OTOF: variants seen among roughly 807,000 people sequenced by gnomAD.
OTOF encodes the protein otoferlin.
Under a neutral mutation model 236.8 loss-of-function variants are expected in OTOF, and 218 were observed. The observed-to-expected ratio is 0.92, with a 90% CI of 0.82 to 1.03. OTOF has a LOEUF of 1.03. OTOF is among the 50% of genes least tolerant of loss of function. OTOF has a pLI of 0.00. For synonymous variants in OTOF, 1,041 were observed against 1,072.5 expected, an observed-to-expected ratio of 0.97 and a Z score of 0.57; for missense variants, 2,590 against 2,694.4, an observed-to-expected ratio of 0.96 and a Z score of 0.86.
Position 26,475,894 on chromosome 2 carries a change from C to A in OTOF, c.2991+20G>T, listed in dbSNP as rs539358225. On this transcript the variant is annotated intron_variant, in intron 24 of 46. Coordinates refer to ENST00000272371, the MANE Select transcript of OTOF (RefSeq NM_194248.3). ...TGGTGCTCTCAAAGCCAGAGCCACT[C>A]CCTCCTCCCAGGCCCTCACCTCTGT... 99 of 1,591,268 alleles carry A rather than the reference C, an allele frequency of 6.2e-5. No individual in the cohort carries two copies. In the South Asian group the frequency reaches 1.1e-3, roughly 17 times the overall value.
At chr2:26,476,717 C>T (rs1572428833) in intron 22 of OTOF, among the ~76,000 whole-genome samples, 174 bp downstream of exon 22, 1 of 82,944 alleles carries the variant, frequency 1.2e-5, no homozygotes. Flanking sequence ...TTCCCCCACC[C>T]CTTCCCCCAC....
chr2:26,480,709 C>T lies in OTOF; in HGVS notation c.1803+77G>A, dbSNP rs1287996218. The T allele has an allele frequency of 4.0e-6, 5 of 1,262,852 alleles. No individual in the cohort carries two copies. The African/African-American group carries it at 7.3e-5, about 18-fold the overall frequency. The allele number at this position is 1,262,852 out of a possible 1,614,324, so 78.2% of individuals were successfully genotyped here. A position where few individuals can be genotyped will look rare whatever the true frequency, so the allele number is the denominator to read the frequency against. Reference sequence around the variant, plus strand: ...GTAGACAGGGCAGCAACAGGCAAAGCCTGGGACCCAGGTGACTCAGGGAGA... The same window carrying T: ...GTAGACAGGGCAGCAACAGGCAAAGTCTGGGACCCAGGTGACTCAGGGAGA... On this transcript the variant is annotated intron_variant, in intron 15 of 46. Coordinates refer to ENST00000272371, the MANE Select transcript of OTOF (RefSeq NM_194248.3).
chr2:26,470,814 A>G lies in OTOF; in HGVS notation c.3895-93T>C, dbSNP rs1664940100. 6.4e-7 allele frequency: 1 copy of G among 1,557,272 alleles called. No individual in the cohort carries two copies. Among genetic ancestry groups the G allele is most frequent in the Non-Finnish European group, 8.6e-7 (1 of 1,156,310 alleles). On this transcript the variant is annotated intron_variant, in intron 31 of 46. Transcript: ENST00000272371. The surrounding 1 kb of genome is among the most constrained non-coding windows in gnomAD (Gnocchi z 4.3). The stretch of plus-strand genomic sequence containing the variant: ...CCCATTCCGCCATCTGTCAGCAGGA[A>G]GCCTTGGGCTCCATGAGGCTCTGTG...
chr2:26,535,250 G>A (rs989038808), intron 2 of OTOF, among the ~76,000 whole-genome samples: 3 of 152,194 alleles, frequency 2.0e-5, no homozygotes, highest in African/African-American at 7.2e-5. Flanking sequence ...TCTAATCTAT[G>A]CATGAATTCA....
chr2:26,521,406 C>T (rs1454708467), intron 3 of OTOF, among the ~76,000 whole-genome samples: 3 of 152,160 alleles, frequency 2.0e-5, no homozygotes, highest in Non-Finnish European at 2.9e-5. Context: ...GGAGCTATTC[C>T]CCCTGCAAGT....
In OTOF at chr2:26,461,806, A is replaced by T. The variant is rs1664477476; in HGVS notation, c.5423T>A (p.Ile1808Asn). The T allele has an allele frequency of 5.6e-6, 9 of 1,614,060 alleles. No homozygotes were observed. Among genetic ancestry groups the T allele is most frequent in the Non-Finnish European group, 7.6e-6 (9 of 1,180,012 alleles). ...GGAGAACATGGACTCCTTCTTGGAG[A>T]TGACGATCTTCTCCTCCGCCGCCAG... ...DYLAAEEKIV[I>N]SKKESMFSWD... The change falls in exon 43 of 47, where the codon ATC becomes AAC. Residue 1808 changes from isoleucine (I) to asparagine (N), a missense_variant. Around this residue, in one of 2 missense-constraint regions of OTOF, gnomAD observed 1,211 missense variants for 1,352.8 expected, o/e 0.90. Coordinates refer to ENST00000272371, the MANE Select transcript of OTOF (RefSeq NM_194248.3). This position sits in a 1 kb window ranked among gnomAD's most constrained non-coding sequence, Gnocchi z 6.2.
At chr2:26,558,364 G>A (rs539875595) in intron 1 of OTOF, 129 bp downstream of exon 1, 18 of 797,788 alleles carry the variant, frequency 2.3e-5, no homozygotes, top group Admixed American at 7.5e-5. Flanking sequence ...GAAAAGGCTC[G>A]TCGCCCCAGC....
chr2:26,460,155 C>T lies in OTOF; in HGVS notation c.5864G>A (p.Arg1955His), dbSNP rs746943889. Residue 1955 changes from arginine to histidine, a missense_variant, in exon 46 of 47, where the codon CGC (arginine) becomes CAC (histidine). Coordinates refer to ENST00000272371, the MANE Select transcript of OTOF (RefSeq NM_194248.3). This position sits in a 1 kb window ranked among gnomAD's most constrained non-coding sequence, Gnocchi z 5.3. The part of the protein sequence containing the change: ...IWFLNPLKSA[R>H]YFLWHTYRWL... The stretch of plus-strand genomic sequence containing the variant: ...GCGATACGTGTGCCACAAGAAGTAG[C>T]GAGCCGACTTGAGAGGGTTCAGGAA... 43 of 1,603,434 alleles carry T rather than the reference C, an allele frequency of 2.7e-5. No individual in the cohort carries two copies. Among genetic ancestry groups the T allele is most frequent in the Admixed American group, 2.2e-4 (13 of 58,602 alleles).
chr2:26,516,078 A>G lies in OTOF; in HGVS notation c.509+340T>C, dbSNP rs141334031. Among the ~76,000 whole-genome samples, 652 of 152,308 alleles carry G rather than the reference A, an allele frequency of 4.3e-3. 1 individual carries two copies. The highest frequency in any genetic ancestry group is 7.5e-3 in the Non-Finnish European group (511 of 68,022). On this transcript the variant is annotated intron_variant, in intron 5 of 46. Transcript: ENST00000272371. The stretch of plus-strand genomic sequence containing the variant: ...GACACTGCTGGGTCTTGAACCAGAG[A>G]GGCCAGGGGCCCTCCTATCCCCAAC...
Position 26,475,362 on chromosome 2 carries a change from G to A in OTOF, c.3123C>T (p.Ser1041=). 1.2e-6 allele frequency: 2 copies of A among 1,612,980 alleles called. No homozygotes were observed. The highest frequency in any genetic ancestry group is 1.7e-6 in the Non-Finnish European group (2 of 1,179,964). The change falls in exon 25 of 47, where the codon TCC becomes TCT. Residue 1041 remains serine, a synonymous_variant. Coordinates refer to ENST00000272371, the MANE Select transcript of OTOF (RefSeq NM_194248.3). ...IIVIEIYDQD[S]MGKADFMGRT... ...TGGCACCAGAGCCCACCCATACCATGGAATCCTGGTCATAGATTTCAATGA... is the reference window on the plus strand; with the variant it reads ...TGGCACCAGAGCCCACCCATACCATAGAATCCTGGTCATAGATTTCAATGA...
chr2:26,465,542 G>GGGGCA, intron 38 of OTOF, 130 bp downstream of exon 38: 1 of 946,550 alleles, frequency 1.1e-6, no homozygotes. Context: ...AGGGACTGTA[G>GGGGCA]GGGCAGAGGC....
chr2:26,475,532 A>AGG lies in OTOF; in HGVS notation c.2992-41_2992-40dup, dbSNP rs552439777. ...TGGGGAGACAGGGGACAAGTGACAGAGGGGGGGGCAGATGCACAAACAGAA... is the reference window on the plus strand; with the variant it reads ...TGGGGAGACAGGGGACAAGTGACAGAGGGGGGGGGGCAGATGCACAAACAGAA... On this transcript the variant is annotated intron_variant, in intron 24 of 46. Transcript: ENST00000272371. 8.3e-4 allele frequency: 1,325 copies of AGG among 1,597,586 alleles called. 4 individuals are homozygous for AGG. In the African/African-American group the frequency reaches 0.012, roughly 15 times the overall value.
intron 2 of OTOF, among the ~76,000 whole-genome samples, chr2:26,528,225 C>A (rs913797630): frequency 6.6e-6 from 1 of 152,222 alleles, no homozygotes; most frequent in East Asian, 1.9e-4. Context: ...CCCTACACAG[C>A]GCTGCTTCCA....
At chr2:26,504,960 A>G (rs571374191) in intron 5 of OTOF, among the ~76,000 whole-genome samples, 105 of 152,192 alleles carry the variant, frequency 6.9e-4, no homozygotes, top group African/African-American at 2.4e-3. Context: ...AGGCTTGACT[A>G]TGGTTTCTAA....
intron 2 of OTOF, among the ~76,000 whole-genome samples, chr2:26,537,358 C>T (rs929277454): frequency 6.6e-6 from 1 of 152,214 alleles, no homozygotes; most frequent in Non-Finnish European, 1.5e-5. Flanking sequence ...CACTCGCCTG[C>T]CTCGTTGGGC....
intron 8 of OTOF, among the ~76,000 whole-genome samples, chr2:26,497,375 G>T (rs1350420431): frequency 6.6e-6 from 1 of 152,128 alleles, no homozygotes; most frequent in Non-Finnish European, 1.5e-5. Flanking sequence ...AATTACAGGC[G>T]TGAGCCACTG....
intron 1 of OTOF, among the ~76,000 whole-genome samples, chr2:26,538,199 G>C (rs570713196): frequency 3.3e-5 from 5 of 152,314 alleles, no homozygotes; most frequent in Admixed American, 3.3e-4. Context: ...CGTAGCCCCT[G>C]CCTGCCGACA....
chr2:26,480,721 G>A (rs1173838648), intron 15 of OTOF, 65 bp downstream of exon 15: 4 of 1,355,570 alleles, frequency 3.0e-6, no homozygotes, highest in Non-Finnish European at 4.2e-6. Flanking sequence ...TGGGACCCAG[G>A]TGACTCAGGG....
intron 2 of OTOF, among the ~76,000 whole-genome samples, chr2:26,532,255 A>G (rs772020368): frequency 6.6e-6 from 1 of 152,134 alleles, no homozygotes; most frequent in Non-Finnish European, 1.5e-5. Flanking sequence ...TGGAGAGGCG[A>G]GAGTTGCCCG....
Sources: gnomAD v4.1 joint callset for allele counts (sites outside exome capture counted in the v4.1 genomes callset) on GRCh38, gnomAD v4.1.1 for gene constraint, gnomAD v4.1.1 regional missense constraint, Gnocchi (gnomAD v3.1) non-coding constraint, MANE v1.5 for transcripts, NCBI Gene and HGNC (gene_info 2026-07-23, HGNC 2026-07-21) for gene names.